The following CCSER1 variants were observed in gnomAD, a reference collection of about 807,000 sequenced individuals.
The protein encoded by CCSER1 is serine-rich coiled-coil domain-containing protein 1.
A neutral mutation model predicts 82.0 loss-of-function variants in CCSER1; 41 were observed. That is an observed-to-expected ratio of 0.50 (90% CI 0.39 to 0.65). The LOEUF is 0.65. CCSER1 is among the 30% of genes least tolerant of loss of function. The pLI is 0.00. For synonymous variants in CCSER1, 414 were observed against 383.9 expected (o/e 1.08, Z -0.92); for missense variants, 1,119 against 1,064.2 (o/e 1.05, Z -0.72).
intron 8 of CCSER1, among the ~76,000 whole-genome samples, chr4:90,874,399 G>A (rs1276157142): frequency 6.6e-6 from 1 of 151,350 alleles, no homozygotes; most frequent in Non-Finnish European, 1.5e-5. Flanking sequence ...GTGAAAATTT[G>A]TTATGTCTTT....
At chr4:90,604,881 C>T (rs1329351993) in intron 5 of CCSER1, among the ~76,000 whole-genome samples, 2 of 152,150 alleles carry the variant, frequency 1.3e-5, no homozygotes, top group Admixed American at 1.3e-4. Context: ...GGCCAATCAG[C>T]TCTCTGTAAA....
intron 10 of CCSER1, among the ~76,000 whole-genome samples, chr4:91,398,704 G>C (rs945516946): frequency 1.3e-5 from 2 of 151,598 alleles, no homozygotes; most frequent in Non-Finnish European, 1.5e-5. Context: ...ACGAAGTTCT[G>C]GTCTCTAAAG....
intron 10 of CCSER1, among the ~76,000 whole-genome samples, chr4:91,109,045 G>A (rs901126256): frequency 6.6e-6 from 1 of 152,108 alleles, no homozygotes; most frequent in African/African-American, 2.4e-5. Flanking sequence ...TCTTGCCTTG[G>A]ACATCAGAAC....
chr4:90,921,182 C>T (rs1728328569), intron 8 of CCSER1, among the ~76,000 whole-genome samples: 1 of 151,752 alleles, frequency 6.6e-6, no homozygotes, highest in African/African-American at 2.4e-5. Flanking sequence ...ACAAGAGCTC[C>T]ATCAAGAATC....
chr4:90,156,288 T>G (rs1361115503), intron 1 of CCSER1, among the ~76,000 whole-genome samples: 1 of 152,204 alleles, frequency 6.6e-6, no homozygotes, highest in Non-Finnish European at 1.5e-5. Context: ...GAGTTTTACT[T>G]CCAAGTATGT....
intron 4 of CCSER1, among the ~76,000 whole-genome samples, chr4:90,425,447 C>T (rs1395750895): frequency 1.3e-5 from 2 of 152,136 alleles, no homozygotes; most frequent in Non-Finnish European, 2.9e-5. Context: ...TCTTGCTTTT[C>T]TTAATTCAAG....
Position 91,457,904 on chromosome 4 carries a change from A to G in CCSER1, c.2218-140668A>G, listed in dbSNP as rs74998768. On this transcript the variant is annotated intron_variant, in intron 10 of 10. Coordinates refer to ENST00000509176, the MANE Select transcript of CCSER1 (RefSeq NM_001145065.2). ...AAACTGAAATTTGATATGAAATTATATTAGATACAAGTGTATGATATATGA... is the reference window on the plus strand; with the variant it reads ...AAACTGAAATTTGATATGAAATTATGTTAGATACAAGTGTATGATATATGA... 4.6e-5 allele frequency among the ~76,000 whole-genome samples: 7 copies of G among 152,298 alleles called. No individual in the cohort carries two copies. The East Asian group carries it at 1.4e-3, about 29-fold the overall frequency.
Position 91,599,296 on chromosome 4 carries a change from T to C in CCSER1, c.*239T>C. The C allele has an allele frequency of 2.4e-6, 1 of 408,934 alleles. No homozygotes were observed. The highest frequency in any genetic ancestry group is 6.0e-5 in the South Asian group (1 of 16,616). The allele number at this position is 408,934 out of a possible 1,614,324, so 25.3% of individuals were successfully genotyped here. A position where few individuals can be genotyped will look rare whatever the true frequency, so the allele number is the denominator to read the frequency against. ...TGCCTTGAAGACTTTACTATATAGG[T>C]GTATAATAAATGGGACCATCATGAT... On this transcript the variant is annotated 3_prime_UTR_variant, in exon 11 of 11. Coordinates refer to ENST00000509176, the MANE Select transcript of CCSER1 (RefSeq NM_001145065.2).
chr4:91,561,784 T>G (rs1438944979), intron 10 of CCSER1, among the ~76,000 whole-genome samples: 45 of 151,502 alleles, frequency 3.0e-4, no homozygotes, highest in Non-Finnish European at 1.5e-5. Context: ...GCTGAATTTT[T>G]TTTTCAGTTT....
chr4:90,761,205 G>A (rs554377629), intron 7 of CCSER1, among the ~76,000 whole-genome samples: 168 of 152,114 alleles, frequency 1.1e-3, no homozygotes, highest in African/African-American at 4.0e-3. Context: ...CCTCACACTT[G>A]TATGGTACTT....
Position 91,604,595 on chromosome 4 carries a change from A to G in CCSER1, c.*5538A>G, listed in dbSNP as rs1292002799. ...AAAGCATACAGTAAATGAAAAATAA[A>G]CTAGTTATCAGATTGTCTTATATCT... is the stretch of plus-strand genomic sequence containing the variant. On this transcript the variant is annotated 3_prime_UTR_variant, in exon 11 of 11. Coordinates refer to ENST00000509176, the MANE Select transcript of CCSER1 (RefSeq NM_001145065.2). 2 of 152,086 alleles carry G rather than the reference A, an allele frequency of 1.3e-5. No individual in the cohort carries two copies. Among genetic ancestry groups the G allele is most frequent in the African/African-American group, 4.8e-5 (2 of 41,450 alleles). The allele number at this position is 152,086 out of a possible 1,614,324, so 9.4% of individuals were successfully genotyped here.
intron 10 of CCSER1, among the ~76,000 whole-genome samples, chr4:91,245,674 T>G (rs1043029118): frequency 6.6e-6 from 1 of 152,138 alleles, no homozygotes; most frequent in Non-Finnish European, 1.5e-5. Flanking sequence ...AAGAAAACTA[T>G]ATATACACGT....
chr4:90,731,063 T>A (rs1345253486), intron 7 of CCSER1, among the ~76,000 whole-genome samples: 1 of 152,162 alleles, frequency 6.6e-6, no homozygotes, highest in African/African-American at 2.4e-5. Flanking sequence ...CTCCTATAGT[T>A]GAAAGATTAT....
At chr4:91,087,180 G>C (rs979238423) in intron 10 of CCSER1, among the ~76,000 whole-genome samples, 7 of 151,988 alleles carry the variant, frequency 4.6e-5, no homozygotes, top group Non-Finnish European at 8.8e-5. Context: ...GTTTTCATCC[G>C]AGCAGTACTG....
At chr4:91,556,355 A>ATTAT (rs1300450556) in intron 10 of CCSER1, among the ~76,000 whole-genome samples, 3 of 150,836 alleles carry the variant, frequency 2.0e-5, no homozygotes, top group African/African-American at 7.3e-5. Flanking sequence ...TTTAAAGTGG[A>ATTAT]TTATTAATAA....
intron 10 of CCSER1, among the ~76,000 whole-genome samples, chr4:91,381,803 G>C (rs1750917063): frequency 6.6e-6 from 1 of 152,190 alleles, no homozygotes; most frequent in South Asian, 2.1e-4. Flanking sequence ...AGTTTCTTTG[G>C]AGGGTGACTG....
At chr4:90,293,127 A>G (rs146817553) in intron 1 of CCSER1, among the ~76,000 whole-genome samples, 1 of 152,026 alleles carries the variant, frequency 6.6e-6, no homozygotes, top group African/African-American at 2.4e-5. Context: ...ATCTTTATAC[A>G]TCTTTTACAC....
At chr4:91,203,748 G>C (rs951523197) in intron 10 of CCSER1, among the ~76,000 whole-genome samples, 2 of 151,886 alleles carry the variant, frequency 1.3e-5, no homozygotes, top group East Asian at 3.9e-4. Flanking sequence ...TGAAAATGTA[G>C]ATATTTTGAA....
At chr4:90,452,906 T>G (rs1369468369) in intron 4 of CCSER1, among the ~76,000 whole-genome samples, 1 of 152,174 alleles carries the variant, frequency 6.6e-6, no homozygotes, top group Non-Finnish European at 1.5e-5. Flanking sequence ...CCTAGGTACT[T>G]CACCAAAGTC....
Sources: gnomAD v4.1 joint callset for allele counts (sites outside exome capture counted in the v4.1 genomes callset) on GRCh38, gnomAD v4.1.1 for gene constraint, MANE v1.5 for transcripts, NCBI Gene and HGNC (gene_info 2026-07-23, HGNC 2026-07-21) for gene names.